The following SLC14A2 variants were observed in gnomAD, a reference collection of about 807,000 sequenced individuals.
The protein encoded by SLC14A2 is solute carrier family 14 member 2.
In SLC14A2, 91 loss-of-function variants were observed where a neutral mutation model predicts 104.6. The observed-to-expected ratio is 0.87, with a 90% confidence interval of 0.73 to 1.04. The LOEUF (loss-of-function observed/expected upper bound fraction) is 1.04. Among genes scored for constraint, SLC14A2 ranks in the 50% least tolerant of loss-of-function variants. SLC14A2 has a pLI of 0.00. For missense variants in SLC14A2, 1,189 were observed against 1,156.0 expected, an observed-to-expected ratio of 1.03 and a Z score of -0.41; for synonymous variants, 476 against 466.4, an observed-to-expected ratio of 1.02 and a Z score of -0.27.
At chr18:45,334,451 G>A (rs1417660422) in intron 1 of SLC14A2, among the ~76,000 whole-genome samples, 1 of 152,142 alleles carries the variant, frequency 6.6e-6, no homozygotes, top group Admixed American at 6.5e-5. Context: ...TACAGTGGCA[G>A]TAGTAAAAGA....
At chr18:45,366,991 C>T (rs1041044427) in intron 1 of SLC14A2, among the ~76,000 whole-genome samples, 1 of 152,154 alleles carries the variant, frequency 6.6e-6, no homozygotes, top group East Asian at 1.9e-4. Context: ...CACACAGAGA[C>T]AGAAGTAAAA....
In SLC14A2 at chr18:45,249,418, G is replaced by GT. The variant is rs548752666; in HGVS notation, c.-125+36237dup. Among the ~76,000 whole-genome samples, 1,281 of 146,472 alleles carry GT rather than the reference G, an allele frequency of 8.7e-3. 2 individuals are homozygous for GT. The highest frequency in any genetic ancestry group is 0.021 in the Middle Eastern group (6 of 280). On this transcript the variant is annotated intron_variant, in intron 1 of 20. Transcript: ENST00000586448. ...TTGTGCTATTTACTTTCTAAGCATT[G>GT]TTTTTTTTTTAATATTCTCAAAAAT...
rs568312547 is a variant in SLC14A2, at chr18:45,516,384, T to C, written c.-35+33062T>C. Among the ~76,000 whole-genome samples the C allele has an allele frequency of 2.6e-5, 4 of 152,334 alleles. No individual in the cohort carries two copies. In the South Asian group the frequency reaches 8.3e-4, roughly 32 times the overall value. ...CAAATTTGCCGCTAAAATAAGTGTG[T>C]GAACCTGGCCAAGTCACTCTATTTC... is the stretch of plus-strand genomic sequence containing the variant. On this transcript the variant is annotated intron_variant, in intron 2 of 20. Coordinates refer to the SLC14A2 transcript ENST00000586448.
chr18:45,394,627 C>G (rs573097512), intron 1 of SLC14A2, among the ~76,000 whole-genome samples: 2 of 152,248 alleles, frequency 1.3e-5, no homozygotes, highest in South Asian at 2.1e-4. Flanking sequence ...TTTTCATATA[C>G]ATGTTGGCTA....
Position 45,486,680 on chromosome 18 carries a change from A to G in SLC14A2, c.-35+3358A>G, listed in dbSNP as rs2087612593. Among the ~76,000 whole-genome samples, 4 of 152,326 alleles carry G rather than the reference A, an allele frequency of 2.6e-5. No homozygotes were observed. The South Asian group carries it at 8.3e-4, about 32-fold the overall frequency. On this transcript the variant is annotated intron_variant, in intron 2 of 20. Transcript: ENST00000586448. ...CATAAAGACAGACCAGAAGAGTTAG[A>G]CAAAGAAAAAGAGTATCTCACTCCT...
At chr18:45,174,704 T>A in the SLC14A2 span, among the ~76,000 whole-genome samples, 1 of 152,158 alleles carries the variant, frequency 6.6e-6, no homozygotes, top group East Asian at 1.9e-4. Flanking sequence ...AAGAATTGGA[T>A]CCTAGGATGG....
At chr18:45,417,230 T>G (rs549229262) in intron 1 of SLC14A2, among the ~76,000 whole-genome samples, 59 of 151,288 alleles carry the variant, frequency 3.9e-4, no homozygotes, top group Admixed American at 3.0e-3. Context: ...AATTATGGGG[T>G]TTTTTTTAAG....
At chr18:45,191,092 T>C in the SLC14A2 span, among the ~76,000 whole-genome samples, 1 of 152,144 alleles carries the variant, frequency 6.6e-6, no homozygotes, top group Non-Finnish European at 1.5e-5. Context: ...TCCAGCTCCA[T>C]GCCCTCCCAG....
chr18:45,634,097 CA>C lies in SLC14A2; in HGVS notation c.650+1626del, dbSNP rs547819559. ...CCATCCCACTTCCCAATTTAAAGGA[CA>C]AAAAAACACTGAGCACCCCACCCTG... On this transcript the variant is annotated intron_variant, in intron 5 of 19. Transcript: ENST00000255226. 4.9e-3 allele frequency among the ~76,000 whole-genome samples: 746 copies of C among 152,174 alleles called. 10 individuals carry two copies. Among genetic ancestry groups the C allele is most frequent in the African/African-American group, 0.017 (694 of 41,518 alleles).
chr18:45,412,630 G>GT (rs2086226966), intron 1 of SLC14A2, among the ~76,000 whole-genome samples: 1 of 152,140 alleles, frequency 6.6e-6, no homozygotes, highest in African/African-American at 2.4e-5. Context: ...GGGGTAAACA[G>GT]TAAGATAGAT....
intron 1 of SLC14A2, among the ~76,000 whole-genome samples, chr18:45,455,656 ATAAAG>A (rs2086930815): frequency 7.1e-6 from 1 of 140,922 alleles, no homozygotes; most frequent in Admixed American, 6.8e-5. Flanking sequence ...AATAATAATA[ATAAAG>A]TAAAAAAAAA....
intron 2 of SLC14A2, among the ~76,000 whole-genome samples, chr18:45,543,105 C>A (rs1290707564): frequency 6.6e-6 from 1 of 151,784 alleles, no homozygotes; most frequent in African/African-American, 2.4e-5. Flanking sequence ...CACACCACCA[C>A]GCCCGGCTAG....
chr18:45,295,975 G>T (rs771957248), intron 1 of SLC14A2, among the ~76,000 whole-genome samples: 17 of 152,112 alleles, frequency 1.1e-4, no homozygotes, highest in Non-Finnish European at 2.4e-4. Flanking sequence ...GAGGAATCTA[G>T]TAGGTAGTGA....
intron 2 of SLC14A2, among the ~76,000 whole-genome samples, chr18:45,536,708 A>G (rs963950568): frequency 2.0e-5 from 3 of 152,330 alleles, no homozygotes. Context: ...GGGGGGCACA[A>G]TTCAACCCAT....
intron 1 of SLC14A2, among the ~76,000 whole-genome samples, chr18:45,235,857 A>ACG (rs1491098480): frequency 7.3e-4 from 92 of 126,062 alleles, no homozygotes; most frequent in Middle Eastern, 4.1e-3. Flanking sequence ...GTATATATAC[A>ACG]TATATGTGTG....
Position 45,325,250 on chromosome 18 carries a change from G to A in SLC14A2, c.-125+112059G>A, listed in dbSNP as rs1016470964. Among the ~76,000 whole-genome samples the A allele has an allele frequency of 3.3e-5, 5 of 152,190 alleles. No homozygotes were observed. In the East Asian group the frequency reaches 5.8e-4, roughly 18 times the overall value. ...AGGAATGGGTGGTGTCAACGTCAGT[G>A]ACCCACACTCGGATGACCAGAAACT... On this transcript the variant is annotated intron_variant, in intron 1 of 20. Transcript: ENST00000586448.
At chr18:45,427,956 C>T (rs1216958470) in intron 1 of SLC14A2, among the ~76,000 whole-genome samples, 1 of 152,134 alleles carries the variant, frequency 6.6e-6, no homozygotes, top group Non-Finnish European at 1.5e-5. Context: ...ACAAAGGTGT[C>T]GTGAAGATCT....
At chr18:45,554,004 CTAAA>C (rs752532539) in intron 2 of SLC14A2, among the ~76,000 whole-genome samples, 3 of 152,166 alleles carry the variant, frequency 2.0e-5, no homozygotes, top group Non-Finnish European at 4.4e-5. Flanking sequence ...CGGAGCAAAA[CTAAA>C]TAAATAAAAA....
rs1027184349 is a variant in SLC14A2, at chr18:45,682,677, T to A, written c.*158T>A. 2.5e-5 allele frequency: 16 copies of A among 639,676 alleles called. No individual in the cohort carries two copies. In the Middle Eastern group the frequency reaches 1.2e-3, roughly 50 times the overall value. The allele number at this position is 639,676 out of a possible 1,614,324, so 39.6% of individuals were successfully genotyped here. The stretch of plus-strand genomic sequence containing the variant: ...TGTAGTCACCATTCCAGAACCTCTC[T>A]TTTCTAAGATGCACAACACTTATCA... On this transcript the variant is annotated 3_prime_UTR_variant, in exon 20 of 20. Transcript: ENST00000255226.
Sources: allele counts gnomAD v4.1 joint callset (sites outside exome capture counted in the v4.1 genomes callset), GRCh38; gene constraint gnomAD v4.1.1; transcripts MANE v1.5; gene names NCBI Gene and HGNC (gene_info 2026-07-23, HGNC 2026-07-21).